The following PTPN4 variants were observed in gnomAD, a reference collection of about 807,000 sequenced individuals.
The protein encoded by PTPN4 is protein tyrosine phosphatase non-receptor type 4.
A neutral mutation model predicts 135.5 loss-of-function variants in PTPN4; 49 were observed. That is an observed-to-expected ratio of 0.36 (90% CI 0.29 to 0.46). The LOEUF is 0.46. Ranked by LOEUF, PTPN4 falls within the 20% of genes least tolerant of loss-of-function variation. The pLI is 1.00. For missense variants in PTPN4, 860 were observed against 1,101.0 expected (o/e 0.78, Z 3.10); for synonymous variants, 333 against 369.9 (o/e 0.90, Z 1.14).
chr2:119,792,089 C>T lies in PTPN4; in HGVS notation c.-17-17748C>T, dbSNP rs150867476. 3.4e-3 allele frequency among the ~76,000 whole-genome samples: 510 copies of T among 152,162 alleles called. 2 individuals carry two copies. Among genetic ancestry groups the T allele is most frequent in the African/African-American group, 0.012 (479 of 41,498 alleles). ...TTCTGTCTGTTCGAATCTGCTGTTGCGCTCTTCTATTAACAGTGGTAGAAA... is the reference window on the plus strand; with the variant it reads ...TTCTGTCTGTTCGAATCTGCTGTTGTGCTCTTCTATTAACAGTGGTAGAAA... On this transcript the variant is annotated intron_variant, in intron 1 of 26. Coordinates refer to ENST00000263708, the MANE Select transcript of PTPN4 (RefSeq NM_002830.4).
chr2:119,788,429 G>A (rs1002845834), intron 1 of PTPN4, among the ~76,000 whole-genome samples: 1 of 151,846 alleles, frequency 6.6e-6, no homozygotes, highest in African/African-American at 2.4e-5. Context: ...GTTTTTAATC[G>A]AGGTAAAATA....
chr2:119,881,341 C>G (rs1240218774), intron 5 of PTPN4, among the ~76,000 whole-genome samples: 2 of 152,190 alleles, frequency 1.3e-5, no homozygotes, highest in East Asian at 3.8e-4. Flanking sequence ...ATAAAATGAT[C>G]AAAACGCTGG....
chr2:119,789,087 TTTTC>T (rs1427061173), intron 1 of PTPN4, among the ~76,000 whole-genome samples: 2 of 151,872 alleles, frequency 1.3e-5, no homozygotes, highest in Admixed American at 1.3e-4. Context: ...TATTTTTCTT[TTTTC>T]TTTTTTTTTT....
rs771340266 is a variant in PTPN4, at chr2:119,978,626, G to A, written c.*1556G>A. 1 of 151,966 alleles carries A rather than the reference G, an allele frequency of 6.6e-6. No individual in the cohort carries two copies. Among genetic ancestry groups the A allele is most frequent in the Non-Finnish European group, 1.5e-5 (1 of 67,906 alleles). 9.4% of individuals were successfully genotyped at this position (151,966 alleles called of 1,614,324 possible). On this transcript the variant is annotated 3_prime_UTR_variant, in exon 27 of 27. Transcript: ENST00000263708. ...AGAGATAGAACCTTAACATTGCCCA[G>A]TTTGATAAAAGTGAAAATTTGCTCA...
At chr2:119,789,130 T>A (rs1454013561) in intron 1 of PTPN4, among the ~76,000 whole-genome samples, 4 of 151,686 alleles carry the variant, frequency 2.6e-5, no homozygotes, top group Non-Finnish European at 5.9e-5. Context: ...TAAATAAGTG[T>A]GAGGTGGGTA....
intron 22 of PTPN4, among the ~76,000 whole-genome samples, chr2:119,960,559 T>C (rs1045493301): frequency 6.6e-6 from 1 of 152,248 alleles, no homozygotes; most frequent in Non-Finnish European, 1.5e-5. Flanking sequence ...GAGGATTGCT[T>C]GAGCCCAGGA....
At chr2:119,866,442 A>G (rs1268428036) in intron 3 of PTPN4, among the ~76,000 whole-genome samples, 3 of 152,086 alleles carry the variant, frequency 2.0e-5, no homozygotes, top group African/African-American at 4.8e-5. Flanking sequence ...TGCATGAGAA[A>G]CAACTGGAAG....
intron 1 of PTPN4, among the ~76,000 whole-genome samples, chr2:119,774,528 C>T (rs750804429): frequency 4.6e-5 from 7 of 152,140 alleles, no homozygotes; most frequent in South Asian, 2.1e-4. Context: ...GAAAGGCACA[C>T]GTATAGACTC....
intron 2 of PTPN4, among the ~76,000 whole-genome samples, chr2:119,811,628 G>A (rs1676877991): frequency 6.6e-6 from 1 of 151,984 alleles, no homozygotes; most frequent in African/African-American, 2.4e-5. Flanking sequence ...TATTATTCAC[G>A]TGTTAGAATT....
At chr2:119,938,818 C>CT (rs200581246) in intron 15 of PTPN4, among the ~76,000 whole-genome samples, 49 of 145,344 alleles carry the variant, frequency 3.4e-4, no homozygotes, top group Admixed American at 4.8e-4. Flanking sequence ...TTCTGAGAAA[C>CT]TTTTTTTTTT....
intron 10 of PTPN4, among the ~76,000 whole-genome samples, chr2:119,904,876 G>A (rs559606422): frequency 6.6e-6 from 1 of 152,224 alleles, no homozygotes; most frequent in South Asian, 2.1e-4. Context: ...ACCACTAGAT[G>A]GATCTCACAA....
intron 2 of PTPN4, among the ~76,000 whole-genome samples, chr2:119,835,900 T>C (rs1293944198): frequency 6.6e-6 from 1 of 151,798 alleles, no homozygotes; most frequent in Non-Finnish European, 1.5e-5. Flanking sequence ...AAACCCTGTC[T>C]CTACTAAAAA....
At chr2:119,941,795 G>T (rs1679065822) in intron 15 of PTPN4, among the ~76,000 whole-genome samples, 1 of 151,956 alleles carries the variant, frequency 6.6e-6, no homozygotes, top group Non-Finnish European at 1.5e-5. Context: ...TTTCCTATCT[G>T]TATCTTCCTG....
chr2:119,825,881 A>G (rs1367394473), intron 2 of PTPN4, among the ~76,000 whole-genome samples: 3 of 152,132 alleles, frequency 2.0e-5, no homozygotes, highest in Admixed American at 6.5e-5. Context: ...TTTCATCTCT[A>G]TATGTCATTG....
rs908949322 is a variant in PTPN4, at chr2:119,977,767, A to G, written c.*697A>G. 6.6e-6 allele frequency: 1 copy of G among 152,224 alleles called. No homozygotes were observed. Among genetic ancestry groups the G allele is most frequent in the Non-Finnish European group, 1.5e-5 (1 of 68,042 alleles). 9.4% of individuals were successfully genotyped at this position (152,224 alleles called of 1,614,324 possible). ...TCATAAGGTTGGCTTATTCCAAATC[A>G]TGTGATTTCACATACTTGATGTAAA... On this transcript the variant is annotated 3_prime_UTR_variant, in exon 27 of 27. Coordinates refer to ENST00000263708, the MANE Select transcript of PTPN4 (RefSeq NM_002830.4).
chr2:119,793,581 T>C lies in PTPN4; in HGVS notation c.-17-16256T>C, dbSNP rs975364805. ...ACATAGGAAATTATAAAAGTATTGA[T>C]TGGGGAAGTGATAAATGTCCGTGAA... On this transcript the variant is annotated intron_variant, in intron 1 of 26. Transcript: ENST00000263708. Among the ~76,000 whole-genome samples the C allele has an allele frequency of 4.6e-5, 7 of 152,248 alleles. No homozygotes were observed. In the East Asian group the frequency reaches 7.7e-4, roughly 17 times the overall value.
chr2:119,804,927 C>T (rs1691439882), intron 1 of PTPN4, among the ~76,000 whole-genome samples: 1 of 152,178 alleles, frequency 6.6e-6, no homozygotes, highest in Admixed American at 6.5e-5. Flanking sequence ...TCTCCACATC[C>T]TCTCCAGCAT....
intron 2 of PTPN4, among the ~76,000 whole-genome samples, chr2:119,838,284 G>A (rs1373666381): frequency 6.6e-6 from 1 of 152,026 alleles, no homozygotes; most frequent in Non-Finnish European, 1.5e-5. Flanking sequence ...TGTACCAGGT[G>A]TAGCCTGCCA....
rs1022156598 is a variant in PTPN4 at position 119,974,167 on chromosome 2, A to T, written c.2695-2817A>T. The stretch of plus-strand genomic sequence containing the variant: ...ATTTTGAAATCAAGGATTTAAACAT[A>T]GTTGATGTGTTTTAGCCCATTGTAG... On this transcript the variant is annotated intron_variant, in intron 26 of 26. Coordinates refer to ENST00000263708, the MANE Select transcript of PTPN4 (RefSeq NM_002830.4). Among the ~76,000 whole-genome samples the T allele has an allele frequency of 2.0e-5, 3 of 152,150 alleles. No homozygotes were observed. In the East Asian group the frequency reaches 5.8e-4, roughly 29 times the overall value.
Sources: gnomAD v4.1 joint callset for allele counts (sites outside exome capture counted in the v4.1 genomes callset) on GRCh38, gnomAD v4.1.1 for gene constraint, MANE v1.5 for transcripts, NCBI Gene and HGNC (gene_info 2026-07-23, HGNC 2026-07-21) for gene names.